The following PRKN variants were observed in gnomAD, a reference collection of about 807,000 sequenced individuals.
PRKN encodes the protein parkin RBR E3 ubiquitin protein ligase.
A neutral mutation model predicts 59.5 loss-of-function variants in PRKN; 56 were observed. The observed-to-expected ratio is 0.94, with a 90% CI of 0.76 to 1.18. PRKN has a LOEUF of 1.18. Among genes scored for constraint, PRKN ranks in the 50% most tolerant of loss-of-function variants. The pLI is 0.00. For synonymous variants in PRKN, 250 were observed against 222.1 expected (o/e 1.13, Z -1.12); for missense variants, 657 against 596.4 (o/e 1.10, Z -1.06).
chr6:162,056,583 G>A lies in PRKN; in HGVS notation c.535-2409C>T, dbSNP rs1777875840. Among the ~76,000 whole-genome samples, 1 of 152,174 alleles carries A rather than the reference G, an allele frequency of 6.6e-6. No homozygotes were observed. Among genetic ancestry groups the A allele is most frequent in the Non-Finnish European group, 1.5e-5 (1 of 68,038 alleles). ...GTAAATTTGCAGAAGAGTTCTAGCA[G>A]GACTGAAGCTGCGATGGTTTGAAAA... On this transcript the variant is annotated intron_variant, in intron 4 of 11. Transcript: ENST00000366898. This position sits in a 1 kb window ranked among gnomAD's most constrained non-coding sequence, Gnocchi z 4.9.
chr6:162,605,180 C>T (rs1352911191), intron 1 of PRKN, among the ~76,000 whole-genome samples: 1 of 151,980 alleles, frequency 6.6e-6, no homozygotes, highest in Non-Finnish European at 1.5e-5. Flanking sequence ...TTTTCTAACC[C>T]TGAATATGAA....
chr6:162,030,018 A>G (rs1783577698), intron 5 of PRKN, among the ~76,000 whole-genome samples: 1 of 152,074 alleles, frequency 6.6e-6, no homozygotes, highest in Admixed American at 6.6e-5. Context: ...AAAACAAAAA[A>G]TCGTAGAGAT....
chr6:161,942,172 G>C (rs775087341), intron 6 of PRKN, among the ~76,000 whole-genome samples: 13 of 152,038 alleles, frequency 8.6e-5, no homozygotes, highest in Non-Finnish European at 1.8e-4. Flanking sequence ...CAACCACAGG[G>C]GCCTCTGGGG....
In PRKN at chr6:161,729,898, T is replaced by C. The variant is rs538264382; in HGVS notation, c.871+55874A>G. ...TTCTGATGTGTTGCATATTCTGGCA[T>C]GTTGCATTCTTTCTGATGTGCTGCA... On this transcript the variant is annotated intron_variant, in intron 7 of 11. Transcript: ENST00000366898. 1.5e-4 allele frequency among the ~76,000 whole-genome samples: 23 copies of C among 152,006 alleles called. 1 individual carries two copies. Among genetic ancestry groups the C allele is most frequent in the African/African-American group, 5.6e-4 (23 of 41,256 alleles).
At chr6:161,871,420 C>T (rs1794337957) in intron 6 of PRKN, among the ~76,000 whole-genome samples, 1 of 152,086 alleles carries the variant, frequency 6.6e-6, no homozygotes, top group African/African-American at 2.4e-5. Context: ...GTTACTATTG[C>T]CTCAGCCACC....
At chr6:161,677,427 C>T (rs1424339343) in intron 7 of PRKN, among the ~76,000 whole-genome samples, 1 of 152,210 alleles carries the variant, frequency 6.6e-6, no homozygotes, top group Non-Finnish European at 1.5e-5. Context: ...TGAGCTAGAA[C>T]TGAGTGTCGG....
At chr6:162,301,009 GT>G (rs1260636260) in intron 2 of PRKN, among the ~76,000 whole-genome samples, 1 of 151,204 alleles carries the variant, frequency 6.6e-6, no homozygotes, top group African/African-American at 2.4e-5. Flanking sequence ...GAACTCCACA[GT>G]TTTATAACTT....
At chr6:162,215,259 T>C (rs191233837) in intron 3 of PRKN, among the ~76,000 whole-genome samples, 21 of 152,312 alleles carry the variant, frequency 1.4e-4, no homozygotes, top group African/African-American at 4.6e-4. Flanking sequence ...TTCTCCCTGG[T>C]GTTGATGAAT....
chr6:162,284,583 G>C (rs1310145596), intron 2 of PRKN, among the ~76,000 whole-genome samples: 1 of 152,098 alleles, frequency 6.6e-6, no homozygotes, highest in African/African-American at 2.4e-5. Flanking sequence ...CCTATAAATA[G>C]CAATTCCACT....
At chr6:161,989,973 A>C (rs149116710) in intron 5 of PRKN, among the ~76,000 whole-genome samples, 1 of 152,040 alleles carries the variant, frequency 6.6e-6, no homozygotes, top group East Asian at 1.9e-4. Context: ...CCCTGCCACC[A>C]CCACCACTGG....
chr6:161,958,151 T>C (rs139816252), intron 6 of PRKN, among the ~76,000 whole-genome samples: 11 of 152,364 alleles, frequency 7.2e-5, no homozygotes, highest in Non-Finnish European at 8.8e-5. Context: ...CTCTATATGG[T>C]TAAAATGCAC....
At chr6:161,916,734 T>C (rs865885789) in intron 6 of PRKN, among the ~76,000 whole-genome samples, 1 of 152,252 alleles carries the variant, frequency 6.6e-6, no homozygotes, top group Non-Finnish European at 1.5e-5. Flanking sequence ...TTCCTTACTC[T>C]GCATTGCAAA....
rs997143068 is a variant in PRKN at position 162,080,566 on chromosome 6, C to T, written c.535-26392G>A. The stretch of plus-strand genomic sequence containing the variant: ...GTATGCAATAGTCTTATGTCTAAAA[C>T]GAGAATGGACATGTCTTAATTAAAA... On this transcript the variant is annotated intron_variant, in intron 4 of 11. Coordinates refer to ENST00000366898, the MANE Select transcript of PRKN (RefSeq NM_004562.3). 2.4e-4 allele frequency among the ~76,000 whole-genome samples: 36 copies of T among 152,050 alleles called. 1 individual carries two copies. Among genetic ancestry groups the T allele is most frequent in the Non-Finnish European group, 1.9e-4 (13 of 68,028 alleles).
intron 3 of PRKN, among the ~76,000 whole-genome samples, chr6:162,235,969 G>GAA (rs201554254): frequency 0.045 from 3,421 of 76,450 alleles, 144 homozygotes; most frequent in East Asian, 0.3. Context: ...AAGAAAGAAA[G>GAA]AAAGAAAGAA....
chr6:162,489,882 C>T (rs1166235147), intron 1 of PRKN, among the ~76,000 whole-genome samples: 2 of 152,208 alleles, frequency 1.3e-5, no homozygotes, highest in East Asian at 1.9e-4. Flanking sequence ...GTCACAACCC[C>T]TCCTCATTAT....
chr6:161,748,021 A>G (rs1788505846), intron 7 of PRKN, among the ~76,000 whole-genome samples: 1 of 152,182 alleles, frequency 6.6e-6, no homozygotes, highest in African/African-American at 2.4e-5. Context: ...AGTCAGGTGT[A>G]TTACACAGCT....
intron 2 of PRKN, among the ~76,000 whole-genome samples, chr6:162,284,308 T>A (rs1781080173): frequency 6.9e-6 from 1 of 143,978 alleles, no homozygotes; most frequent in African/African-American, 2.5e-5. Context: ...CACTGCAACG[T>A]CCACCTCTCG....
chr6:162,663,551 G>GT (rs1466636196), intron 1 of PRKN, among the ~76,000 whole-genome samples: 5 of 152,108 alleles, frequency 3.3e-5, no homozygotes, highest in Admixed American at 2.0e-4. Context: ...GTTTTAAAAT[G>GT]TTTTTTAAGA....
chr6:162,318,926 T>G (rs1008421688), intron 2 of PRKN, among the ~76,000 whole-genome samples: 1 of 152,034 alleles, frequency 6.6e-6, no homozygotes, highest in Non-Finnish European at 1.5e-5. Context: ...AATAAACGGT[T>G]AAGTGTATTA....
Sources: gnomAD v4.1 joint callset for allele counts (sites outside exome capture counted in the v4.1 genomes callset) on GRCh38, gnomAD v4.1.1 for gene constraint, Gnocchi (gnomAD v3.1) non-coding constraint, MANE v1.5 for transcripts, NCBI Gene and HGNC (gene_info 2026-07-23, HGNC 2026-07-21) for gene names.